TTC8: variants seen among roughly 807,000 people sequenced by gnomAD.
TTC8 encodes the protein tetratricopeptide repeat domain 8, also known as tetratricopeptide repeat protein 8.
Under a neutral mutation model 72.5 loss-of-function variants are expected in TTC8, and 47 were observed. The ratio of observed to expected loss-of-function variants is 0.65; its 90% CI spans 0.51 to 0.83. TTC8 has a LOEUF of 0.83. Ranked by LOEUF, TTC8 falls within the 40% of genes least tolerant of loss-of-function variation. The probability of loss-of-function intolerance (pLI) is 0.00; values close to 1 mark genes in which losing one functional copy is unlikely to be tolerated. For missense variants in TTC8, 611 were observed against 623.2 expected, an observed-to-expected ratio of 0.98 and a Z score of 0.21; for synonymous variants, 199 against 221.4, an observed-to-expected ratio of 0.90 and a Z score of 0.90.
At chr14:88,867,551 A>G (rs2094916517) in intron 10 of TTC8, among the ~76,000 whole-genome samples, 1 of 152,168 alleles carries the variant, frequency 6.6e-6, no homozygotes, top group Non-Finnish European at 1.5e-5. Flanking sequence ...GCCTACTACA[A>G]TTTGGGGATG....
At position 88,870,126 on chromosome 14, in the gene TTC8, T is replaced by C; in HGVS notation, c.977T>C (p.Val326Ala). ...KEVLKQDNTH[V>A]EAIACIGSNH... ...GTTTTGAAACAAGACAATACTCATG[T>C]GGAAGCCATCGCATGCATTGGAAGC... The change falls in exon 11 of 15, where the codon GTG becomes GCG. Residue 326 changes from valine (V) to alanine (A), a missense_variant. Val to Ala is a moderately conservative substitution (Grantham distance 64). Coordinates refer to ENST00000380656, the MANE Select transcript of TTC8 (RefSeq NM_144596.4). 1 of 1,614,114 alleles carries C rather than the reference T, an allele frequency of 6.2e-7. No individual in the cohort carries two copies. The highest frequency in any genetic ancestry group is 8.5e-7 in the Non-Finnish European group (1 of 1,179,952).
Position 88,861,223 on chromosome 14 carries a change from T to A in TTC8, c.800T>A (p.Val267Asp), listed in dbSNP as rs770333148. 2.1e-5 allele frequency: 34 copies of A among 1,606,980 alleles called. No homozygotes were observed. Among genetic ancestry groups the A allele is most frequent in the Non-Finnish European group, 2.9e-5 (34 of 1,174,470 alleles). The change falls in exon 10 of 15, where the codon GTT (valine) becomes GAT (aspartate). Residue 267 changes from valine to aspartate, a missense_variant and splice_region_variant. Physicochemically the swap from Val to Asp is radical, Grantham distance 152. Transcript: ENST00000380656. ...TATTGAAATGTATCTTGTTTTTAGG[T>A]TTATGTCTCATTGGATCAACCTGTG... ...MVDTFLYLAK[V>D]YVSLDQPVTA...
chr14:88,834,087 A>G (rs904448554), intron 2 of TTC8: 1 of 294,134 alleles, frequency 3.4e-6, no homozygotes, highest in Non-Finnish European at 6.6e-6. Context: ...ACTGTGATGG[A>G]TGGGATGGCA....
chr14:88,869,734 G>A lies in TTC8; in HGVS notation c.910-325G>A, dbSNP rs574679280. Reference sequence around the variant, plus strand: ...CACTTCACTCAGGTCTTTTCAAATAGCACCTCCTCCAAAGTGGCCCCTTCC... The same window carrying A: ...CACTTCACTCAGGTCTTTTCAAATAACACCTCCTCCAAAGTGGCCCCTTCC... On this transcript the variant is annotated intron_variant, in intron 10 of 14. Coordinates refer to ENST00000380656, the MANE Select transcript of TTC8 (RefSeq NM_144596.4). Among the ~76,000 whole-genome samples, 35 of 152,146 alleles carry A rather than the reference G, an allele frequency of 2.3e-4. No homozygotes were observed. The South Asian group carries it at 6.2e-3, about 27-fold the overall frequency.
chr14:88,834,557 A>G (rs17124889), intron 2 of TTC8, among the ~76,000 whole-genome samples: 52,513 of 152,044 alleles, frequency 0.35, 9,220 homozygotes, highest in Non-Finnish European at 0.37. Context: ...CAATTTACAA[A>G]GTACTCTTAT....
At chr14:88,854,654 C>T (rs537422971) in intron 8 of TTC8, among the ~76,000 whole-genome samples, 1 of 152,244 alleles carries the variant, frequency 6.6e-6, no homozygotes, top group Non-Finnish European at 1.5e-5. Context: ...ACCTTATACA[C>T]ATAGCCTGAA....
chr14:88,860,256 T>C (rs369513790), intron 9 of TTC8, among the ~76,000 whole-genome samples: 2 of 152,050 alleles, frequency 1.3e-5, no homozygotes, highest in Admixed American at 1.3e-4. Flanking sequence ...CCCTTTGGAT[T>C]TTTTCTCAAA....
intron 7 of TTC8, among the ~76,000 whole-genome samples, chr14:88,850,328 T>A (rs2094827866): frequency 6.6e-6 from 1 of 152,172 alleles, no homozygotes; most frequent in Non-Finnish European, 1.5e-5. Flanking sequence ...ACAGCAATAT[T>A]CCAGAACAAC....
At chr14:88,843,910 G>C (rs1464204931) in intron 7 of TTC8, 60 bp downstream of exon 7, 1 of 1,221,484 alleles carries the variant, frequency 8.2e-7, no homozygotes, top group African/African-American at 1.5e-5. Flanking sequence ...TGGAAGTTTA[G>C]ATTCTGAAAT....
At chr14:88,878,725 G>A (rs1007438341), downstream of TTC8, 3 of 152,144 alleles carry the variant, frequency 2.0e-5, no homozygotes, top group Non-Finnish European at 4.4e-5. Flanking sequence ...ATGGTATAAT[G>A]TGAATCATTT....
Position 88,824,730 on chromosome 14 carries a change from T to A in TTC8, c.23T>A (p.Leu8Gln), listed in dbSNP as rs1277993132. Residue 8 changes from leucine to glutamine, a missense_variant, in exon 1 of 15, where the codon CTG (leucine) becomes CAG (glutamine). By Grantham distance (113) the Leu-to-Gln change is moderately radical (BLOSUM62 -2). Coordinates refer to ENST00000380656, the MANE Select transcript of TTC8 (RefSeq NM_144596.4). ...GCCATGAGCTCGGAGATGGAGCCGCTGCTCCTGGCCTGGAGCTATTTTAGG... is the reference window on the plus strand; with the variant it reads ...GCCATGAGCTCGGAGATGGAGCCGCAGCTCCTGGCCTGGAGCTATTTTAGG... MSSEMEP[L>Q]LLAWSYFRRR... 2.5e-6 allele frequency: 4 copies of A among 1,610,732 alleles called. No individual in the cohort carries two copies. In the East Asian group the frequency reaches 8.9e-5, roughly 36 times the overall value.
intron 7 of TTC8, among the ~76,000 whole-genome samples, chr14:88,846,026 C>G (rs1240744437): frequency 2.6e-5 from 4 of 151,930 alleles, no homozygotes; most frequent in African/African-American, 9.7e-5. Flanking sequence ...TCTCTCTGAA[C>G]AGAAAATATG....
chr14:88,842,264 T>TAA (rs1270805540), intron 6 of TTC8, among the ~76,000 whole-genome samples: 1 of 152,214 alleles, frequency 6.6e-6, no homozygotes, highest in East Asian at 1.9e-4. Context: ...AGCTCATTCC[T>TAA]AATCTCAGTT....
At position 88,877,458 on chromosome 14, in the gene TTC8, G is replaced by A; in HGVS notation, c.*48G>A. On this transcript the variant is annotated 3_prime_UTR_variant, in exon 15 of 15. Coordinates refer to ENST00000380656, the MANE Select transcript of TTC8 (RefSeq NM_144596.4). The stretch of plus-strand genomic sequence containing the variant: ...TCTTATGAAGCAGCATTATGCAAGG[G>A]GAAAAAAGCACTATGTCTGTGTATG... The A allele has an allele frequency of 2.1e-6, 3 of 1,456,670 alleles. No homozygotes were observed. Among genetic ancestry groups the A allele is most frequent in the Non-Finnish European group, 2.9e-6 (3 of 1,037,062 alleles). 90.2% of individuals were successfully genotyped at this position (1,456,670 alleles called of 1,614,324 possible).
intron 14 of TTC8, among the ~76,000 whole-genome samples, chr14:88,876,547 G>A (rs2094958098): frequency 6.6e-6 from 1 of 151,962 alleles, no homozygotes; most frequent in South Asian, 2.1e-4. Flanking sequence ...TTGAGGTGAC[G>A]GATACCCCAG....
At chr14:88,827,267 A>C (rs2094705723) in intron 1 of TTC8, among the ~76,000 whole-genome samples, 1 of 152,162 alleles carries the variant, frequency 6.6e-6, no homozygotes, top group Admixed American at 6.5e-5. Context: ...CCTTATCCGA[A>C]AAGCTTGTGA....
intron 1 of TTC8, chr14:88,831,021 C>T: frequency 2.5e-6 from 1 of 405,764 alleles, no homozygotes; most frequent in Admixed American, 3.1e-5. Context: ...CAAATACTGC[C>T]TCTATACCTT....
At position 88,848,355 on chromosome 14, in the gene TTC8, G is replaced by A. The variant is rs1158673244; in HGVS notation, c.624+4505G>A. Among the ~76,000 whole-genome samples, 5 of 152,038 alleles carry A rather than the reference G, an allele frequency of 3.3e-5. No homozygotes were observed. In the East Asian group the frequency reaches 9.6e-4, roughly 29 times the overall value. On this transcript the variant is annotated intron_variant, in intron 7 of 14. Transcript: ENST00000380656. ...ATCCTGAGGGAGAGTACAGTTAGTTGTCATACATTATAGGTGATATTACAC... is the reference window on the plus strand; with the variant it reads ...ATCCTGAGGGAGAGTACAGTTAGTTATCATACATTATAGGTGATATTACAC...
intron 10 of TTC8, among the ~76,000 whole-genome samples, chr14:88,865,984 A>G (rs1319953623): frequency 6.6e-6 from 1 of 152,076 alleles, no homozygotes; most frequent in African/African-American, 2.4e-5. Flanking sequence ...TTATTTAATA[A>G]ATAGTTTAAA....
Sources: allele counts gnomAD v4.1 joint callset (sites outside exome capture counted in the v4.1 genomes callset), GRCh38; gene constraint gnomAD v4.1.1; transcripts MANE v1.5; gene names NCBI Gene and HGNC (gene_info 2026-07-23, HGNC 2026-07-21).